APCDD1L: variants seen among roughly 807,000 people sequenced by gnomAD.
APCDD1L encodes APC down-regulated 1 like.
APCDD1L carries 21 observed loss-of-function variants against 24.2 expected under a neutral mutation model. The ratio of observed to expected loss-of-function variants is 0.87; its 90% CI spans 0.61 to 1.25. APCDD1L has a LOEUF of 1.25. Ranked by LOEUF, APCDD1L falls within the 50% of genes most tolerant of loss-of-function variation. The pLI, the probability that APCDD1L is intolerant of heterozygous loss-of-function variation, is 0.00. For synonymous variants in APCDD1L, 321 were observed against 323.6 expected (o/e 0.99, Z 0.09); for missense variants, 704 against 711.7 (o/e 0.99, Z 0.12).
At chr20:58,470,380 A>G (rs748941934) in intron 2 of APCDD1L, among the ~76,000 whole-genome samples, 7 of 152,206 alleles carry the variant, frequency 4.6e-5, no homozygotes, top group Non-Finnish European at 1.0e-4. Context: ...TTTGTATAAT[A>G]GGTGTTCAAG....
At position 58,494,380 on chromosome 20, in the gene APCDD1L, T is replaced by C. The variant is rs1990281015; in HGVS notation, c.49+20279A>G. 6.6e-6 allele frequency among the ~76,000 whole-genome samples: 1 copy of C among 152,118 alleles called. No homozygotes were observed. The highest frequency in any genetic ancestry group is 6.6e-5 in the Admixed American group (1 of 15,264). On this transcript the variant is annotated intron_variant, in intron 1 of 3. Coordinates refer to ENST00000371149, the MANE Select transcript of APCDD1L (RefSeq NM_153360.3). The surrounding 1 kb of genome is among the most constrained non-coding windows in gnomAD (Gnocchi z 4.8). ...TGAGTCAGGGTTTCATTCTGTCGCA[T>C]AGGCTAGAGTACAATGGGATCGGCT... is the stretch of plus-strand genomic sequence containing the variant.
chr20:58,500,142 AATT>A (rs1316099948), intron 1 of APCDD1L, among the ~76,000 whole-genome samples: 2 of 152,062 alleles, frequency 1.3e-5, no homozygotes, highest in Non-Finnish European at 2.9e-5. Context: ...CCAAAGCAAA[AATT>A]ATTATCAGAT....
chr20:58,501,544 C>T (rs1990437604), intron 1 of APCDD1L, among the ~76,000 whole-genome samples: 1 of 152,224 alleles, frequency 6.6e-6, no homozygotes, highest in African/African-American at 2.4e-5. Flanking sequence ...GACTTCCAGC[C>T]TCCAGAGCTG....
Position 58,492,210 on chromosome 20 carries a change from G to A in APCDD1L, c.50-21463C>T, listed in dbSNP as rs896604773. Among the ~76,000 whole-genome samples the A allele has an allele frequency of 8.5e-5, 13 of 152,316 alleles. 1 individual carries two copies. In the South Asian group the frequency reaches 2.7e-3, roughly 32 times the overall value. ...CACAGAAAGGCAAGCTGGTAAATAC[G>A]ATCCTATTAAAATGAGGAACTTCTG... is the stretch of plus-strand genomic sequence containing the variant. On this transcript the variant is annotated intron_variant, in intron 1 of 3. Transcript: ENST00000371149.
rs1399646962 is a variant in APCDD1L, at chr20:58,467,613, G to A, written c.234C>T (p.Thr78=). The change falls in exon 3 of 4, where the codon ACC becomes ACT. Residue 78 remains threonine (T), a synonymous_variant. Transcript: ENST00000371149. The surrounding 1 kb of genome is among the most constrained non-coding windows in gnomAD (Gnocchi z 5.9). The part of the protein sequence containing the change: ...PGPEFLTRAY[T]FYPSRLFRAH... ...CTCGAAAGAGCCGGCTGGGGTAGAA[G>A]GTGTAGGCGCGGGTCAGGAACTCCG... 2 of 1,539,000 alleles carry A rather than the reference G, an allele frequency of 1.3e-6. No homozygotes were observed. The highest frequency in any genetic ancestry group is 1.9e-5 in the Admixed American group (1 of 51,878).
At chr20:58,463,304 C>T (rs960543230) in intron 3 of APCDD1L, among the ~76,000 whole-genome samples, 1 of 152,164 alleles carries the variant, frequency 6.6e-6, no homozygotes, top group Admixed American at 6.5e-5. Context: ...TCTTCAGGTG[C>T]CACCACACCC....
At chr20:58,510,587 C>T (rs1990608613) in intron 1 of APCDD1L, among the ~76,000 whole-genome samples, 1 of 152,202 alleles carries the variant, frequency 6.6e-6, no homozygotes, top group Non-Finnish European at 1.5e-5. Context: ...CCACTTCGGC[C>T]TCCCAAAGTG....
chr20:58,495,686 G>C (rs958850491), intron 1 of APCDD1L, among the ~76,000 whole-genome samples: 1 of 152,182 alleles, frequency 6.6e-6, no homozygotes, highest in Admixed American at 6.5e-5. Context: ...GACATGTTTG[G>C]GGGAAAGGGG....
Position 58,461,033 on chromosome 20 carries a change from G to A in APCDD1L, c.1263C>T (p.Leu421=), listed in dbSNP as rs371357051. 5.1e-5 allele frequency: 83 copies of A among 1,614,102 alleles called. No individual in the cohort carries two copies. In the African/African-American group the frequency reaches 8.9e-4, roughly 17 times the overall value. ...YELFKMEQDP[L]GQSLLFIGQR... ...GTCCGATGAAGAGCAGGCTTTGCCC[G>A]AGGGGGTCTTGTTCCATCTTGAAAA... The change falls in exon 4 of 4, where the codon CTC becomes CTT. Residue 421 remains leucine, a synonymous_variant. Coordinates refer to ENST00000371149, the MANE Select transcript of APCDD1L (RefSeq NM_153360.3). This position sits in a 1 kb window ranked among gnomAD's most constrained non-coding sequence, Gnocchi z 6.0.
At position 58,470,740 on chromosome 20, in the gene APCDD1L, A is replaced by G. The variant is rs113379816; in HGVS notation, c.57T>C (p.Thr19=). The G allele has an allele frequency of 1.7e-3, 2,580 of 1,537,004 alleles. 75 individuals are homozygous for G. In the South Asian group the frequency reaches 0.023, roughly 14 times the overall value. The change falls in exon 2 of 4, where the codon ACT becomes ACC. Residue 19 remains threonine, a synonymous_variant. Coordinates refer to ENST00000371149, the MANE Select transcript of APCDD1L (RefSeq NM_153360.3). ...ACVLVLLGAH[T]APAAGEAGGS... is the part of the protein sequence containing the mutation. ...CCCCGGCCTCCCCAGCCGCCGGTGC[A>G]GTGTGGGCTGCAAAGCAGACAGACC...
At chr20:58,477,178 A>T (rs1199055807) in intron 1 of APCDD1L, among the ~76,000 whole-genome samples, 1 of 152,220 alleles carries the variant, frequency 6.6e-6, no homozygotes, top group Non-Finnish European at 1.5e-5. Flanking sequence ...CAGAACCAGG[A>T]CGTTAACATC....
intron 1 of APCDD1L, among the ~76,000 whole-genome samples, chr20:58,496,351 G>T (rs1022707147): frequency 6.6e-6 from 1 of 152,264 alleles, no homozygotes; most frequent in Non-Finnish European, 1.5e-5. Flanking sequence ...GCAGGTGCCA[G>T]CCTGGGGCAG....
intron 1 of APCDD1L, among the ~76,000 whole-genome samples, chr20:58,513,175 G>C (rs1459745803): frequency 6.6e-6 from 1 of 152,192 alleles, no homozygotes; most frequent in Non-Finnish European, 1.5e-5. Context: ...AGGCGGATGA[G>C]AGCAGATGGA....
intron 1 of APCDD1L, among the ~76,000 whole-genome samples, chr20:58,499,824 C>T (rs1320675860): frequency 6.6e-6 from 1 of 152,218 alleles, no homozygotes; most frequent in Non-Finnish European, 1.5e-5. Context: ...CCATCTCCCT[C>T]TCTGTCTCTC....
At chr20:58,511,993 A>G (rs1990637550) in intron 1 of APCDD1L, among the ~76,000 whole-genome samples, 1 of 152,226 alleles carries the variant, frequency 6.6e-6, no homozygotes, top group Non-Finnish European at 1.5e-5. Context: ...GATTTTTAAA[A>G]GCCAGAAATT....
intron 1 of APCDD1L, among the ~76,000 whole-genome samples, chr20:58,495,872 G>A (rs938359269): frequency 5.9e-5 from 9 of 152,144 alleles, no homozygotes; most frequent in Non-Finnish European, 1.0e-4. Flanking sequence ...GGCCATCAGC[G>A]GAGTGGGACC....
At chr20:58,480,575 G>C (rs543357950) in intron 1 of APCDD1L, among the ~76,000 whole-genome samples, 2 of 152,190 alleles carry the variant, frequency 1.3e-5, no homozygotes, top group Non-Finnish European at 2.9e-5. Flanking sequence ...AAAACGCTGC[G>C]TATGAGGAAG....
At chr20:58,512,104 T>C (rs1167028445) in intron 1 of APCDD1L, among the ~76,000 whole-genome samples, 1 of 152,200 alleles carries the variant, frequency 6.6e-6, no homozygotes, top group African/African-American at 2.4e-5. Flanking sequence ...TGACTACCCA[T>C]ACCGCAGCCT....
At chr20:58,481,725 C>G (rs886690243) in intron 1 of APCDD1L, among the ~76,000 whole-genome samples, 1 of 152,184 alleles carries the variant, frequency 6.6e-6, no homozygotes, top group African/African-American at 2.4e-5. Flanking sequence ...CGAACCCTCA[C>G]CCCGCCGGCT....
Sources: gnomAD v4.1 joint callset for allele counts (sites outside exome capture counted in the v4.1 genomes callset) on GRCh38, gnomAD v4.1.1 for gene constraint, Gnocchi (gnomAD v3.1) non-coding constraint, MANE v1.5 for transcripts, NCBI Gene and HGNC (gene_info 2026-07-23, HGNC 2026-07-21) for gene names.